Variants in IPO9 observed in about 807,000 individuals in gnomAD.
IPO9 encodes importin 9.
A neutral mutation model predicts 128.6 loss-of-function variants in IPO9; 28 were observed. The ratio of observed to expected loss-of-function variants is 0.22; its 90% CI spans 0.16 to 0.30. IPO9 has a LOEUF of 0.30. Among genes scored for constraint, IPO9 ranks in the 10% least tolerant of loss-of-function variants. IPO9 has a pLI of 1.00. For synonymous variants in IPO9, 455 were observed against 475.8 expected, an observed-to-expected ratio of 0.96 and a Z score of 0.57; for missense variants, 935 against 1,293.9, an observed-to-expected ratio of 0.72 and a Z score of 4.26.
chr1:201,870,705 C>T lies in IPO9; in HGVS notation c.2256C>T (p.Asp752=), dbSNP rs752292943. The T allele has an allele frequency of 6.2e-7, 1 of 1,614,196 alleles. No individual in the cohort carries two copies. The highest frequency in any genetic ancestry group is 8.5e-7 in the Non-Finnish European group (1 of 1,180,030). ...TGCAAGTGGTGAGCCAGCTCCTGGA[C>T]CCCCGCACCTCAGAGTTCACTGCGG... ...YVMQVVSQLL[D]PRTSEFTAAF... The change falls in exon 18 of 24, where the codon GAC becomes GAT. Residue 752 remains aspartate, a synonymous_variant. Coordinates refer to ENST00000361565, the MANE Select transcript of IPO9 (RefSeq NM_018085.5). This position sits in a 1 kb window ranked among gnomAD's most constrained non-coding sequence, Gnocchi z 4.9.
intron 13 of IPO9, among the ~76,000 whole-genome samples, chr1:201,860,829 A>C (rs1209587424): frequency 6.6e-6 from 1 of 152,202 alleles, no homozygotes; most frequent in African/African-American, 2.4e-5. Context: ...CCATGATATC[A>C]CATACCATAT....
chr1:201,843,535 G>GA (rs1168336363), intron 1 of IPO9, among the ~76,000 whole-genome samples: 2 of 152,186 alleles, frequency 1.3e-5, no homozygotes, highest in Admixed American at 1.3e-4. Flanking sequence ...TACTTTTTAA[G>GA]AAAATATATT....
At chr1:201,848,942 T>C (rs978456220) in intron 4 of IPO9, among the ~76,000 whole-genome samples, 1 of 152,224 alleles carries the variant, frequency 6.6e-6, no homozygotes, top group Non-Finnish European at 1.5e-5. Flanking sequence ...GATAGTAGTG[T>C]CTGCATCAAA....
chr1:201,854,815 C>T lies in IPO9; in HGVS notation c.811-8C>T. ...CATAACTTGGGTCCTTTTCTCTTAA[C>T]TTCTTAGGCAGTGACAGCCCTAGTG... On this transcript the variant is annotated splice_polypyrimidine_tract_variant and splice_region_variant and intron_variant, in intron 7 of 23. Coordinates refer to ENST00000361565, the MANE Select transcript of IPO9 (RefSeq NM_018085.5). 1 of 1,604,150 alleles carries T rather than the reference C, an allele frequency of 6.2e-7. No individual in the cohort carries two copies. The highest frequency in any genetic ancestry group is 8.5e-7 in the Non-Finnish European group (1 of 1,176,702).
chr1:201,839,374 G>A (rs551951699), intron 1 of IPO9, among the ~76,000 whole-genome samples: 11 of 150,706 alleles, frequency 7.3e-5, no homozygotes, highest in South Asian at 4.3e-4. Flanking sequence ...GCACCACCAC[G>A]CCCAGCTGAT....
At position 201,873,082 on chromosome 1, in the gene IPO9, A is replaced by G. The variant is rs144011418; in HGVS notation, c.2710+121A>G. 48 of 1,141,898 alleles carry G rather than the reference A, an allele frequency of 4.2e-5. No individual in the cohort carries two copies. The East Asian group carries it at 1.3e-3, about 30-fold the overall frequency. The allele number at this position is 1,141,898 out of a possible 1,614,324, so 70.7% of individuals were successfully genotyped here. A position where few individuals can be genotyped will look rare whatever the true frequency, so the allele number is the denominator to read the frequency against. ...AAAACAATTGTTGGTGATGGGTTTG[A>G]TAAAGAAGAAGCAGGAAACTTAGGT... On this transcript the variant is annotated intron_variant, in intron 20 of 23. Coordinates refer to ENST00000361565, the MANE Select transcript of IPO9 (RefSeq NM_018085.5).
chr1:201,858,349 T>C lies in IPO9; in HGVS notation c.1222-98T>C, dbSNP rs1171360534. 22 of 592,154 alleles carry C rather than the reference T, an allele frequency of 3.7e-5. No individual in the cohort carries two copies. The South Asian group carries it at 6.4e-4, about 17-fold the overall frequency. 36.7% of individuals were successfully genotyped at this position (592,154 alleles called of 1,614,324 possible). A position where few individuals can be genotyped will look rare whatever the true frequency, so the allele number is the denominator to read the frequency against. On this transcript the variant is annotated intron_variant, in intron 11 of 23. Coordinates refer to ENST00000361565, the MANE Select transcript of IPO9 (RefSeq NM_018085.5). ...GGTTTGCACATGTATGTGAAAGAGC[T>C]TGAACCAATCACTTCTAACAGTCAT...
rs1680778531 is a variant in IPO9 at position 201,877,079 on chromosome 1, T to G, written c.*1025T>G. 6.6e-6 allele frequency: 1 copy of G among 152,528 alleles called. No individual in the cohort carries two copies. Among genetic ancestry groups the G allele is most frequent in the South Asian group, 2.1e-4 (1 of 4,830 alleles). 9.4% of individuals were successfully genotyped at this position (152,528 alleles called of 1,614,324 possible). On this transcript the variant is annotated 3_prime_UTR_variant, in exon 24 of 24. Coordinates refer to ENST00000361565, the MANE Select transcript of IPO9 (RefSeq NM_018085.5). ...GAGCCTGTCTAAACATTCTAGTGTG[T>G]CTTGGCAAACATAGCCTGAAATGAT...
intron 4 of IPO9, among the ~76,000 whole-genome samples, chr1:201,851,585 TAGC>T (rs1156982160): frequency 1.3e-5 from 2 of 152,272 alleles, no homozygotes; most frequent in East Asian, 3.9e-4. Context: ...TTGTTCCAGT[TAGC>T]AGCAGCCTCT....
rs376447167 is a variant in IPO9 at position 201,870,865 on chromosome 1, G to T, written c.2409+7G>T. On this transcript the variant is annotated splice_region_variant and intron_variant, in intron 18 of 23. Coordinates refer to ENST00000361565, the MANE Select transcript of IPO9 (RefSeq NM_018085.5). This position sits in a 1 kb window ranked among gnomAD's most constrained non-coding sequence, Gnocchi z 4.9. ...GACGCTCAGTGTCATGCAGGTAAGAGAGCAGTGGGGAGTGGGCTTCCTACT... is the reference window on the plus strand; with the variant it reads ...GACGCTCAGTGTCATGCAGGTAAGATAGCAGTGGGGAGTGGGCTTCCTACT... 20 of 1,598,934 alleles carry T rather than the reference G, an allele frequency of 1.3e-5. No individual in the cohort carries two copies. The highest frequency in any genetic ancestry group is 1.7e-5 in the Admixed American group (1 of 59,052).
chr1:201,858,172 G>A (rs1558221018), intron 11 of IPO9, among the ~76,000 whole-genome samples: 1 of 152,204 alleles, frequency 6.6e-6, no homozygotes, highest in South Asian at 2.1e-4. Context: ...TCCAAAGCTA[G>A]ATCTATTATT....
chr1:201,833,139 T>G (rs1481657831), intron 1 of IPO9, among the ~76,000 whole-genome samples: 1 of 152,134 alleles, frequency 6.6e-6, no homozygotes, highest in Non-Finnish European at 1.5e-5. Context: ...AGGAAGTGTG[T>G]GTATGTGAGA....
At chr1:201,849,421 T>A (rs1269662030) in intron 4 of IPO9, among the ~76,000 whole-genome samples, 2 of 152,270 alleles carry the variant, frequency 1.3e-5, no homozygotes, top group Non-Finnish European at 2.9e-5. Context: ...AATTCTTACC[T>A]GGACTTTAGT....
At position 201,869,700 on chromosome 1, in the gene IPO9, T is replaced by C; in HGVS notation, c.2115T>C (p.Asp705=). The part of the protein sequence containing the change: ...PAVAQCTLHT[D]DNATMQNGGE... Reference sequence around the variant, plus strand: ...TGGCACAGTGTACCCTTCACACAGATGACAATGCCACCATGCAGGTATCTG... The same window carrying C: ...TGGCACAGTGTACCCTTCACACAGACGACAATGCCACCATGCAGGTATCTG... The change falls in exon 17 of 24, where the codon GAT becomes GAC. Residue 705 remains aspartate, a synonymous_variant. Transcript: ENST00000361565. 1 of 1,614,158 alleles carries C rather than the reference T, an allele frequency of 6.2e-7. No homozygotes were observed. The highest frequency in any genetic ancestry group is 1.7e-5 in the Admixed American group (1 of 60,014).
rs2102888946 is a variant in IPO9 at position 201,870,930 on chromosome 1, AGTTAT to A, written c.2409+73_2409+77del. The stretch of plus-strand genomic sequence containing the variant: ...AATGAAAATTCGTATTTTGGTCCTG[AGTTAT>A]TTTATTTTACCCTCTTACTAGCCTT... On this transcript the variant is annotated intron_variant, in intron 18 of 23. Transcript: ENST00000361565. The surrounding 1 kb of genome is among the most constrained non-coding windows in gnomAD (Gnocchi z 4.9). 1 of 1,289,794 alleles carries A rather than the reference AGTTAT, an allele frequency of 7.8e-7. No individual in the cohort carries two copies. The highest frequency in any genetic ancestry group is 1.0e-6 in the Non-Finnish European group (1 of 984,114). 79.9% of individuals were successfully genotyped at this position (1,289,794 alleles called of 1,614,324 possible). A position where few individuals can be genotyped will look rare whatever the true frequency, so the allele number is the denominator to read the frequency against.
rs1436034938 is a variant in IPO9, at chr1:201,829,257, A to G, written c.48A>G (p.Pro16=). The G allele has an allele frequency of 1.4e-5, 22 of 1,590,340 alleles. No individual in the cohort carries two copies. Among genetic ancestry groups the G allele is most frequent in the Non-Finnish European group, 1.9e-5 (22 of 1,170,970 alleles). ...GTGCGGCCTCCGGGCTGCCGGGTCC[A>G]GTGGCACAAGGATTAAAGGAAGCGT... is the stretch of plus-strand genomic sequence containing the variant. The part of the protein sequence containing the change: ...AAGAASGLPG[P]VAQGLKEALV... The change falls in exon 1 of 24, where the codon CCA becomes CCG. Residue 16 remains proline (P), a synonymous_variant. Transcript: ENST00000361565.
intron 1 of IPO9, among the ~76,000 whole-genome samples, chr1:201,843,658 T>C (rs1459806810): frequency 6.6e-6 from 1 of 152,106 alleles, no homozygotes; most frequent in African/African-American, 2.4e-5. Flanking sequence ...CAAAACCCAG[T>C]CTCTACGAAA....
chr1:201,834,338 G>A (rs1004409950), intron 1 of IPO9, among the ~76,000 whole-genome samples: 3 of 151,812 alleles, frequency 2.0e-5, no homozygotes, highest in African/African-American at 4.8e-5. Context: ...ATGAACCACC[G>A]AAGATCTCTT....
intron 1 of IPO9, among the ~76,000 whole-genome samples, chr1:201,840,750 T>C (rs755138927): frequency 6.6e-6 from 1 of 152,078 alleles, no homozygotes; most frequent in East Asian, 1.9e-4. Flanking sequence ...TCCCAAGATA[T>C]AATGTTAGCT....
Sources: allele counts gnomAD v4.1 joint callset (sites outside exome capture counted in the v4.1 genomes callset), GRCh38; gene constraint gnomAD v4.1.1; non-coding constraint Gnocchi (gnomAD v3.1); transcripts MANE v1.5; gene names NCBI Gene and HGNC (gene_info 2026-07-23, HGNC 2026-07-21).